ARHGAP26: variants seen among roughly 807,000 people sequenced by gnomAD.
The protein encoded by ARHGAP26 is Rho GTPase activating protein 26, also known as rho GTPase-activating protein 26.
A neutral mutation model predicts 104.8 loss-of-function variants in ARHGAP26; 38 were observed. That is an observed-to-expected ratio of 0.36 (90% CI 0.28 to 0.48). The LOEUF is 0.48. ARHGAP26 is among the 20% of genes least tolerant of loss of function. The pLI is 0.99. For missense variants in ARHGAP26, 704 were observed against 947.9 expected (o/e 0.74, Z 3.38); for synonymous variants, 341 against 340.0 (o/e 1.00, Z -0.03).
At chr5:143,209,249 T>A (rs1306204325) in intron 21 of ARHGAP26, among the ~76,000 whole-genome samples, 5 of 152,202 alleles carry the variant, frequency 3.3e-5, no homozygotes, top group Non-Finnish European at 2.9e-5. Flanking sequence ...CTGTTTCTTG[T>A]CAAGTATCTC....
intron 11 of ARHGAP26, among the ~76,000 whole-genome samples, chr5:142,987,202 G>A (rs1378228534): frequency 6.6e-6 from 1 of 152,126 alleles, no homozygotes; most frequent in Non-Finnish European, 1.5e-5. Flanking sequence ...CCTTGAAGAG[G>A]TCCTTCACGT....
intron 11 of ARHGAP26, among the ~76,000 whole-genome samples, chr5:142,982,105 G>A (rs139034002): frequency 2.6e-5 from 4 of 152,320 alleles, no homozygotes; most frequent in East Asian, 3.9e-4. Context: ...GTGACCAAAT[G>A]TTTAGCAGGC....
intron 4 of ARHGAP26, among the ~76,000 whole-genome samples, chr5:142,880,743 TA>T (rs912760055): frequency 6.6e-6 from 1 of 152,282 alleles, no homozygotes; most frequent in African/African-American, 2.4e-5. Context: ...GGATTTTGCT[TA>T]GTTGCAAAAT....
chr5:143,216,253 T>G (rs1423218434), intron 22 of ARHGAP26: 1 of 471,224 alleles, frequency 2.1e-6, no homozygotes, highest in South Asian at 1.5e-5. Flanking sequence ...CCTCCACCTC[T>G]CACCTGGGCA....
intron 19 of ARHGAP26, among the ~76,000 whole-genome samples, chr5:143,135,030 T>C (rs1488392645): frequency 6.6e-6 from 1 of 152,216 alleles, no homozygotes; most frequent in Non-Finnish European, 1.5e-5. Context: ...CATGGGACCT[T>C]GGCTTTAAGG....
intron 10 of ARHGAP26, among the ~76,000 whole-genome samples, chr5:142,915,013 G>C (rs1455063982): frequency 6.6e-6 from 1 of 152,182 alleles, no homozygotes; most frequent in Non-Finnish European, 1.5e-5. Context: ...TGTCAGATTG[G>C]AAACAAGCCC....
chr5:143,033,920 C>T (rs1291886276), intron 12 of ARHGAP26, among the ~76,000 whole-genome samples: 1 of 152,162 alleles, frequency 6.6e-6, no homozygotes, highest in East Asian at 1.9e-4. Context: ...AACGTAATTC[C>T]CCGTCTGACA....
At chr5:142,883,008 G>A (rs1300943840) in intron 4 of ARHGAP26, among the ~76,000 whole-genome samples, 1 of 152,196 alleles carries the variant, frequency 6.6e-6, no homozygotes, top group Non-Finnish European at 1.5e-5. Flanking sequence ...TGTGTCCTGA[G>A]TAATGGACAC....
chr5:143,033,023 G>T (rs1782113049), intron 12 of ARHGAP26, among the ~76,000 whole-genome samples: 1 of 152,186 alleles, frequency 6.6e-6, no homozygotes, highest in South Asian at 2.1e-4. Context: ...TTAACACAGT[G>T]TTATCTGTTT....
intron 1 of ARHGAP26, among the ~76,000 whole-genome samples, chr5:142,858,121 G>A (rs1486765238): frequency 2.6e-5 from 4 of 151,778 alleles, no homozygotes; most frequent in African/African-American, 7.3e-5. Flanking sequence ...GGGAGTGTGT[G>A]TGTGTGTGTG....
intron 19 of ARHGAP26, among the ~76,000 whole-genome samples, chr5:143,135,719 G>T (rs566657955): frequency 6.6e-6 from 1 of 152,164 alleles, no homozygotes; most frequent in Non-Finnish European, 1.5e-5. Context: ...TAACATCCTT[G>T]TAACTAAATC....
chr5:143,070,691 C>A (rs1314808708), intron 17 of ARHGAP26, among the ~76,000 whole-genome samples: 2 of 152,166 alleles, frequency 1.3e-5, no homozygotes, highest in Non-Finnish European at 2.9e-5. Flanking sequence ...GGATGGATCA[C>A]CTGAGGTCAG....
chr5:142,998,399 T>C (rs17099782), intron 11 of ARHGAP26, among the ~76,000 whole-genome samples: 3,551 of 152,216 alleles, frequency 0.023, 59 homozygotes, highest in Middle Eastern at 0.051. Context: ...CGTTCATCTG[T>C]CATGCTCTCA....
At chr5:143,042,001 G>C (rs375293466) in intron 14 of ARHGAP26, 111 bp downstream of exon 14, 2 of 877,022 alleles carry the variant, frequency 2.3e-6, no homozygotes, top group African/African-American at 1.7e-5. Context: ...CGGGGTGTCC[G>C]TGAGCTGTCA....
At chr5:143,090,971 C>G (rs1791336419) in intron 17 of ARHGAP26, among the ~76,000 whole-genome samples, 1 of 152,122 alleles carries the variant, frequency 6.6e-6, no homozygotes, top group Non-Finnish European at 1.5e-5. Context: ...TCAGTCCCCA[C>G]AGGGTATAAC....
At chr5:143,128,920 AAAAT>A (rs1470089423) in intron 18 of ARHGAP26, among the ~76,000 whole-genome samples, 2 of 152,222 alleles carry the variant, frequency 1.3e-5, no homozygotes, top group Admixed American at 1.3e-4. Flanking sequence ...CCCTCCCATA[AAAAT>A]CACAGCACAT....
At chr5:142,959,772 A>G (rs1769902294) in intron 11 of ARHGAP26, among the ~76,000 whole-genome samples, 1 of 152,248 alleles carries the variant, frequency 6.6e-6, no homozygotes, top group African/African-American at 2.4e-5. Context: ...TGTATCTGCA[A>G]AACCCCTTCA....
intron 20 of ARHGAP26, among the ~76,000 whole-genome samples, chr5:143,157,339 G>A (rs1258228265): frequency 6.6e-6 from 1 of 152,060 alleles, no homozygotes; most frequent in Admixed American, 6.6e-5. Context: ...TCCACATCCA[G>A]CTAATTTTTA....
At chr5:142,992,802 A>G (rs1775813819) in intron 11 of ARHGAP26, among the ~76,000 whole-genome samples, 1 of 152,118 alleles carries the variant, frequency 6.6e-6, no homozygotes, top group African/African-American at 2.4e-5. Flanking sequence ...GTCATCCAAG[A>G]CATTGTTATT....
Sources: allele counts gnomAD v4.1 joint callset (sites outside exome capture counted in the v4.1 genomes callset), GRCh38; gene constraint gnomAD v4.1.1; transcripts MANE v1.5; gene names NCBI Gene and HGNC (gene_info 2026-07-23, HGNC 2026-07-21).